Variants in SUCLG2 observed in about 807,000 individuals in gnomAD.
The protein encoded by SUCLG2 is succinate--CoA ligase [GDP-forming] subunit beta, mitochondrial.
SUCLG2 carries 42 observed loss-of-function variants against 47.9 expected under a neutral mutation model. That is an observed-to-expected ratio of 0.88 (90% CI 0.69 to 1.14). SUCLG2 has a LOEUF of 1.14. Among genes scored for constraint, SUCLG2 ranks in the 50% most tolerant of loss-of-function variants. SUCLG2 has a pLI of 0.00. For synonymous variants in SUCLG2, 195 were observed against 197.3 expected (o/e 0.99, Z 0.10); for missense variants, 571 against 525.9 (o/e 1.09, Z -0.84).
chr3:67,408,450 C>A (rs933064979), intron 9 of SUCLG2: 3 of 213,658 alleles, frequency 1.4e-5, no homozygotes, highest in African/African-American at 7.1e-5. Flanking sequence ...ATTTTAAATT[C>A]ATCAATTGAG....
chr3:67,457,567 G>A (rs1704216477), intron 9 of SUCLG2, among the ~76,000 whole-genome samples: 1 of 151,558 alleles, frequency 6.6e-6, no homozygotes, highest in African/African-American at 2.4e-5. Flanking sequence ...GAGGAAAACT[G>A]TGGATAGTGG....
chr3:67,607,777 G>A (rs1700448869), intron 2 of SUCLG2, among the ~76,000 whole-genome samples: 3 of 152,140 alleles, frequency 2.0e-5, no homozygotes, highest in South Asian at 2.1e-4. Flanking sequence ...TGTTCTAATG[G>A]TAGTGAGTAA....
At chr3:67,636,445 C>T (rs780910903) in intron 1 of SUCLG2, among the ~76,000 whole-genome samples, 122 of 151,816 alleles carry the variant, frequency 8.0e-4, no homozygotes, top group Middle Eastern at 3.4e-3. Context: ...CTCTGCCTCC[C>T]GGGTTCATTC....
At chr3:67,514,317 A>G (rs1705882161) in intron 6 of SUCLG2, 1 of 403,768 alleles carries the variant, frequency 2.5e-6, no homozygotes, top group Non-Finnish European at 5.0e-6. Context: ...TTAACATCTC[A>G]TATTAAGTCT....
chr3:67,641,500 C>T (rs1224627438), intron 1 of SUCLG2, among the ~76,000 whole-genome samples: 1 of 152,208 alleles, frequency 6.6e-6, no homozygotes, highest in Non-Finnish European at 1.5e-5. Context: ...CACCAACCTA[C>T]AATTTCAGAT....
intron 10 of SUCLG2, among the ~76,000 whole-genome samples, chr3:67,388,677 T>A (rs533904247): frequency 1.8e-4 from 27 of 152,324 alleles, no homozygotes; most frequent in African/African-American, 6.5e-4. Flanking sequence ...ACTAAGGAAA[T>A]GCAGACTCCT....
chr3:67,654,496 C>T lies in SUCLG2; in HGVS notation c.84+7G>A. ...CTGGCGCCCGCAGCTCCTGCCCCCACGCTCACCTGGGACCCGGCCGCCAGG... is the reference window on the plus strand; with the variant it reads ...CTGGCGCCCGCAGCTCCTGCCCCCATGCTCACCTGGGACCCGGCCGCCAGG... On this transcript the variant is annotated splice_region_variant and intron_variant, in intron 1 of 10. Transcript: ENST00000307227. 3 of 1,236,564 alleles carry T rather than the reference C, an allele frequency of 2.4e-6. No individual in the cohort carries two copies. Among genetic ancestry groups the T allele is most frequent in the Admixed American group, 4.2e-5 (1 of 24,040 alleles). The allele number at this position is 1,236,564 out of a possible 1,614,324, so 76.6% of individuals were successfully genotyped here. A position where few individuals can be genotyped will look rare whatever the true frequency, so the allele number is the denominator to read the frequency against.
chr3:67,644,168 C>G (rs1174612508), intron 1 of SUCLG2, among the ~76,000 whole-genome samples: 2 of 151,892 alleles, frequency 1.3e-5, no homozygotes, highest in African/African-American at 4.8e-5. Context: ...TAAGGTATAC[C>G]TCCACGGAAC....
chr3:67,383,415 A>G (rs964277348), intron 10 of SUCLG2, among the ~76,000 whole-genome samples: 10 of 152,220 alleles, frequency 6.6e-5, no homozygotes, highest in African/African-American at 1.9e-4. Context: ...AATGTGAATC[A>G]TATCTAAATG....
At chr3:67,458,174 C>A (rs1333060833) in intron 9 of SUCLG2, among the ~76,000 whole-genome samples, 1 of 152,112 alleles carries the variant, frequency 6.6e-6, no homozygotes, top group East Asian at 1.9e-4. Context: ...TGAACACTGA[C>A]AAGAACAGTG....
Position 67,520,593 on chromosome 3 carries a change from G to A in SUCLG2, c.459C>T (p.Tyr153=). 3 of 1,613,746 alleles carry A rather than the reference G, an allele frequency of 1.9e-6. No individual in the cohort carries two copies. The highest frequency in any genetic ancestry group is 2.5e-6 in the Non-Finnish European group (3 of 1,179,872). ...AEALDISRET[Y]LAILMDRSCN... ...AGGACCGGTCCATCAGAATTGCCAG[G>A]TAGGTTTCTCTGGAAATATCCAAGG... The change falls in exon 5 of 11, where the codon TAC becomes TAT. Residue 153 remains tyrosine, a synonymous_variant. Transcript: ENST00000307227.
intron 9 of SUCLG2, among the ~76,000 whole-genome samples, chr3:67,491,793 T>TAAATTTAAA (rs1705213251): frequency 6.6e-6 from 1 of 152,250 alleles, no homozygotes; most frequent in Non-Finnish European, 1.5e-5. Flanking sequence ...ATTTTTTAAA[T>TAAATTTAAA]GATACTGTCA....
chr3:67,650,572 C>G (rs1392484354), intron 1 of SUCLG2, among the ~76,000 whole-genome samples: 1 of 152,128 alleles, frequency 6.6e-6, no homozygotes, highest in Non-Finnish European at 1.5e-5. Flanking sequence ...ACCTGACCAA[C>G]ATGGCGAAAC....
rs1196657739 is a variant in SUCLG2 at position 67,375,560 on chromosome 3, A to G, written c.*184T>C. The G allele has an allele frequency of 1.6e-5, 22 of 1,388,730 alleles. No homozygotes were observed. Among genetic ancestry groups the G allele is most frequent in the Non-Finnish European group, 1.9e-5 (20 of 1,074,342 alleles). 86.0% of individuals were successfully genotyped at this position (1,388,730 alleles called of 1,614,324 possible). A position where few individuals can be genotyped will look rare whatever the true frequency, so the allele number is the denominator to read the frequency against. ...ACAAGATATTATTTTTATAAAGACC[A>G]AAATCAGATTTAGGCTGTCTAGATA... On this transcript the variant is annotated 3_prime_UTR_variant, in exon 11 of 11. Transcript: ENST00000307227.
At chr3:67,644,267 T>C (rs929207689) in intron 1 of SUCLG2, among the ~76,000 whole-genome samples, 1 of 152,096 alleles carries the variant, frequency 6.6e-6, no homozygotes, top group Non-Finnish European at 1.5e-5. Context: ...AAAAAAAAGA[T>C]ATATACACAT....
At chr3:67,409,215 C>T (rs964848477) in intron 9 of SUCLG2, among the ~76,000 whole-genome samples, 1 of 152,122 alleles carries the variant, frequency 6.6e-6, no homozygotes, top group African/African-American at 2.4e-5. Flanking sequence ...AGAGTGGGGC[C>T]TGGCCTTCAA....
chr3:67,621,588 T>C (rs535733017), intron 1 of SUCLG2, among the ~76,000 whole-genome samples: 1 of 152,220 alleles, frequency 6.6e-6, no homozygotes, highest in East Asian at 1.9e-4. Flanking sequence ...TTTGCCCTCA[T>C]GAATGGACCA....
intron 6 of SUCLG2, among the ~76,000 whole-genome samples, chr3:67,516,123 T>C (rs1236964943): frequency 6.6e-6 from 1 of 152,194 alleles, no homozygotes; most frequent in Non-Finnish European, 1.5e-5. Flanking sequence ...ACCCTATCAG[T>C]GCTCATTCCA....
downstream of SUCLG2, among the ~76,000 whole-genome samples, chr3:67,370,882 A>G (rs1016155456): frequency 6.6e-6 from 1 of 152,162 alleles, no homozygotes; most frequent in Non-Finnish European, 1.5e-5. Context: ...AAGGCTATTT[A>G]TTTATTTAAA....
Sources: gnomAD v4.1 joint callset for allele counts (sites outside exome capture counted in the v4.1 genomes callset) on GRCh38, gnomAD v4.1.1 for gene constraint, MANE v1.5 for transcripts, NCBI Gene and HGNC (gene_info 2026-07-23, HGNC 2026-07-21) for gene names.